The following SBNO2 variants were observed in gnomAD, a reference collection of about 807,000 sequenced individuals.
SBNO2 encodes protein strawberry notch homolog 2.
In SBNO2, 89 loss-of-function variants were observed where a neutral mutation model predicts 146.3. That is an observed-to-expected ratio of 0.61 (90% CI 0.51 to 0.73). The LOEUF (loss-of-function observed/expected upper bound fraction) is 0.73. Among genes scored for constraint, SBNO2 ranks in the 30% least tolerant of loss-of-function variants. The pLI is 0.00. For missense variants in SBNO2, 2,092 were observed against 2,003.7 expected (o/e 1.04, Z -0.84); for synonymous variants, 1,147 against 892.6 (o/e 1.29, Z -5.08).
In SBNO2 at chr19:1,114,413, C is replaced by G. The variant is rs771453105; in HGVS notation, c.1895G>C (p.Arg632Pro). ...GAGSKRKRRP[R>P]GRGAKAPRLA... ...CCGGGGGGCTTTGGCCCCGCGTCCC[C>G]GAGGTCGCCCTGCAGGGAAGGACAG... is the stretch of plus-strand genomic sequence containing the variant. The change falls in exon 18 of 32, where the codon CGG becomes CCG. Residue 632 changes from arginine to proline, a missense_variant. Physicochemically the swap from Arg to Pro is moderately radical, Grantham distance 103 (BLOSUM62 -2). Coordinates refer to ENST00000361757, the MANE Select transcript of SBNO2 (RefSeq NM_014963.3). 6.5e-7 allele frequency: 1 copy of G among 1,531,100 alleles called. No homozygotes were observed. The highest frequency in any genetic ancestry group is 8.8e-7 in the Non-Finnish European group (1 of 1,136,502). The allele number at this position is 1,531,100 out of a possible 1,614,324, so 94.8% of individuals were successfully genotyped here.
intron 14 of SBNO2, among the ~76,000 whole-genome samples, chr19:1,118,351 A>G (rs1376932867): frequency 6.6e-6 from 1 of 152,174 alleles, no homozygotes; most frequent in Non-Finnish European, 1.5e-5. Context: ...AAAAATAAAA[A>G]AAAAAAACCA....
At chr19:1,141,466 T>C (rs1324524213) in intron 4 of SBNO2, among the ~76,000 whole-genome samples, 2 of 152,114 alleles carry the variant, frequency 1.3e-5, no homozygotes, top group Non-Finnish European at 2.9e-5. Flanking sequence ...CTGCCCGCCT[T>C]GGCCCCCCAA....
chr19:1,147,168 C>T (rs4807599), intron 4 of SBNO2, 141 bp downstream of exon 4: 52 of 601,382 alleles, frequency 8.6e-5, no homozygotes, highest in Middle Eastern at 8.3e-4. Context: ...ACTGCCCCAC[C>T]GTAAACCCTG....
chr19:1,170,360 G>A lies in SBNO2; in HGVS notation c.-127+3812C>T, dbSNP rs766182870. ...GGCAGTCTGCTCTTCGTCCCAGCCC[G>A]AGGGTGCAGGTGCCGGCCAACCTCC... is the stretch of plus-strand genomic sequence containing the variant. On this transcript the variant is annotated intron_variant, in intron 1 of 31. Transcript: ENST00000361757. Among the ~76,000 whole-genome samples, 4 of 152,304 alleles carry A rather than the reference G, an allele frequency of 2.6e-5. No homozygotes were observed. The South Asian group carries it at 6.2e-4, about 24-fold the overall frequency.
At chr19:1,160,248 G>A (rs990698460) in intron 1 of SBNO2, among the ~76,000 whole-genome samples, 10 of 152,144 alleles carry the variant, frequency 6.6e-5, no homozygotes, top group African/African-American at 2.4e-4. Context: ...AGCCCGGCTG[G>A]GGCCCAGCAA....
At chr19:1,149,587 G>C (rs2080224210) in intron 2 of SBNO2, 145 bp from the exon 3 acceptor site, 2 of 701,542 alleles carry the variant, frequency 2.9e-6, no homozygotes, top group African/African-American at 3.6e-5. Context: ...GTATCTCCTG[G>C]GGAGTCATTT....
At position 1,119,078 on chromosome 19, in the gene SBNO2, G is replaced by A. The variant is rs749025140; in HGVS notation, c.1460C>T (p.Thr487Ile). ...IARQLSFSGVTFRIEEIPLAP... is the reference protein window; with the variant it reads ...IARQLSFSGVIFRIEEIPLAP... Reference sequence around the variant, plus strand: ...CAGCGGGATCTCCTCGATGCGGAAGGTGACGCCGGAGAAGCTGAGCTGGCG... The same window carrying A: ...CAGCGGGATCTCCTCGATGCGGAAGATGACGCCGGAGAAGCTGAGCTGGCG... The change falls in exon 14 of 32, where the codon ACC becomes ATC. Residue 487 changes from threonine (T) to isoleucine (I), a missense_variant. By Grantham distance (89) the Thr-to-Ile change is moderately conservative (BLOSUM62 -1). Coordinates refer to ENST00000361757, the MANE Select transcript of SBNO2 (RefSeq NM_014963.3). 1.9e-6 allele frequency: 3 copies of A among 1,606,156 alleles called. No individual in the cohort carries two copies. Among genetic ancestry groups the A allele is most frequent in the Non-Finnish European group, 2.5e-6 (3 of 1,177,320 alleles).
In SBNO2 at chr19:1,110,330, A is replaced by C. The variant is rs1214869862; in HGVS notation, c.3028+415T>G. Among the ~76,000 whole-genome samples the C allele has an allele frequency of 6.6e-6, 1 of 152,128 alleles. No individual in the cohort carries two copies. The highest frequency in any genetic ancestry group is 2.4e-5 in the African/African-American group (1 of 41,420). On this transcript the variant is annotated intron_variant, in intron 26 of 31. Coordinates refer to ENST00000361757, the MANE Select transcript of SBNO2 (RefSeq NM_014963.3). This position sits in a 1 kb window ranked among gnomAD's most constrained non-coding sequence, Gnocchi z 4.9. ...GCCGGCCTTTCGTTCACAACAATGT[A>C]GCAGGTGCCCCGTGAAGCCTGGGGA...
Position 1,124,205 on chromosome 19 carries a change from C to A in SBNO2, c.442-183G>T, listed in dbSNP as rs760665483. On this transcript the variant is annotated intron_variant, in intron 5 of 31. Coordinates refer to ENST00000361757, the MANE Select transcript of SBNO2 (RefSeq NM_014963.3). The stretch of plus-strand genomic sequence containing the variant: ...CAGGGTGACCCTGGTGCCTCCCAAG[C>A]CTCCCCAGTGGGCACCTCCCTGGGG... The A allele has an allele frequency of 2.2e-5, 14 of 642,354 alleles. No individual in the cohort carries two copies. In the Admixed American group the frequency reaches 3.5e-4, roughly 16 times the overall value. 39.8% of individuals were successfully genotyped at this position (642,354 alleles called of 1,614,324 possible).
At chr19:1,118,699 T>A (rs956450099) in intron 14 of SBNO2, among the ~76,000 whole-genome samples, 2 of 152,080 alleles carry the variant, frequency 1.3e-5, no homozygotes, top group African/African-American at 4.8e-5. Flanking sequence ...AGAAACACCG[T>A]TCTCTACCAA....
chr19:1,111,850 TGGGGG>T, intron 23 of SBNO2, 141 bp downstream of exon 23: 1 of 689,944 alleles, frequency 1.4e-6, no homozygotes, highest in Non-Finnish European at 2.2e-6. Flanking sequence ...CCTTCCCCCC[TGGGGG>T]TCCTAGACCC....
intron 4 of SBNO2, chr19:1,132,028 G>A: frequency 7.6e-7 from 1 of 1,317,088 alleles, no homozygotes; most frequent in Non-Finnish European, 1.0e-6. Context: ...GTCCTGAATG[G>A]GGTCCCACCT....
chr19:1,127,064 G>A (rs1256671902), intron 5 of SBNO2, among the ~76,000 whole-genome samples: 5 of 152,000 alleles, frequency 3.3e-5, no homozygotes, highest in South Asian at 2.1e-4. Flanking sequence ...CACCAACCTC[G>A]CCCTCTCAGC....
chr19:1,119,809 C>T (rs895015423), intron 12 of SBNO2, 97 bp downstream of exon 12: 15 of 1,039,118 alleles, frequency 1.4e-5, no homozygotes, highest in South Asian at 4.2e-5. Flanking sequence ...AGGGTGCAGA[C>T]GGAGGCTGAG....
rs777420175 is a variant in SBNO2, at chr19:1,110,721, C to T, written c.3028+24G>A. Reference sequence around the variant, plus strand: ...AGCCCCGCACCCACACCCACCCACACCACACCCCGGCACCTGTGCTCACCC... The same window carrying T: ...AGCCCCGCACCCACACCCACCCACATCACACCCCGGCACCTGTGCTCACCC... On this transcript the variant is annotated intron_variant, in intron 26 of 31. Transcript: ENST00000361757. This position sits in a 1 kb window ranked among gnomAD's most constrained non-coding sequence, Gnocchi z 4.9. 1.9e-6 allele frequency: 3 copies of T among 1,612,456 alleles called. No individual in the cohort carries two copies. The highest frequency in any genetic ancestry group is 2.2e-5 in the East Asian group (1 of 44,828).
intron 2 of SBNO2, among the ~76,000 whole-genome samples, chr19:1,149,833 T>G (rs2080226422): frequency 6.6e-6 from 1 of 152,144 alleles, no homozygotes; most frequent in Non-Finnish European, 1.5e-5. Context: ...ATCGGACCGT[T>G]TGCGTGAGGG....
intron 17 of SBNO2, chr19:1,115,760 G>C: frequency 1.8e-6 from 1 of 563,922 alleles, no homozygotes. Context: ...CCGCGTCCGT[G>C]TCCCGCCCCC....
At chr19:1,170,402 G>A (rs1313252171) in intron 1 of SBNO2, among the ~76,000 whole-genome samples, 1 of 152,162 alleles carries the variant, frequency 6.6e-6, no homozygotes, top group Non-Finnish European at 1.5e-5. Context: ...TTGGGGGCGA[G>A]AGTGCAGAGG....
intron 1 of SBNO2, among the ~76,000 whole-genome samples, chr19:1,162,441 A>C (rs370377800): frequency 5.2e-4 from 77 of 148,558 alleles, no homozygotes; most frequent in Non-Finnish European, 9.1e-4. Context: ...GCCTGGGTGA[A>C]AGAGCGAGAC....
Sources: allele counts gnomAD v4.1 joint callset (sites outside exome capture counted in the v4.1 genomes callset), GRCh38; gene constraint gnomAD v4.1.1; non-coding constraint Gnocchi (gnomAD v3.1); transcripts MANE v1.5; gene names NCBI Gene and HGNC (gene_info 2026-07-23, HGNC 2026-07-21).